The following CRYAA variants were observed in gnomAD, a reference collection of about 807,000 sequenced individuals.
The protein encoded by CRYAA is alpha-crystallin A chain.
Under a neutral mutation model 3.5 loss-of-function variants are expected in CRYAA, and 2 were observed. That is an observed-to-expected ratio of 0.57 (90% CI 0.23 to 1.80). CRYAA has a LOEUF of 1.80. CRYAA is among the 40% of genes most tolerant of loss of function. The pLI is 0.18. For synonymous variants in CRYAA, 3 were observed against 26.7 expected, an observed-to-expected ratio of 0.11 and a Z score of 2.73; for missense variants, 8 against 60.0, an observed-to-expected ratio of 0.13 and a Z score of 2.86.
Position 43,169,744 on chromosome 21 carries a change from G to A in CRYAA, c.189+456G>A, listed in dbSNP as rs78898363. On this transcript the variant is annotated intron_variant, in intron 1 of 2. Coordinates refer to ENST00000291554, the MANE Select transcript of CRYAA (RefSeq NM_000394.4). ...CCTCCAATGAGCTCGGCCTGCCCAC[G>A]GCTAGCAAAGCTCTTGGCAAGTTTA... 5.9e-4 allele frequency: 313 copies of A among 534,502 alleles called. 10 individuals carry two copies. Among genetic ancestry groups the A allele is most frequent in the Middle Eastern group, 4.4e-3 (9 of 2,024 alleles). The allele number at this position is 534,502 out of a possible 1,614,324, so 33.1% of individuals were successfully genotyped here. A position where few individuals can be genotyped will look rare whatever the true frequency, so the allele number is the denominator to read the frequency against.
chr21:43,169,345 G>A lies in CRYAA; in HGVS notation c.189+57G>A, dbSNP rs183125538. The stretch of plus-strand genomic sequence containing the variant: ...TCGCTGCTCAGAGGGTGGTGGCCTC[G>A]GTGGGTGGAGAGCGATGGACTCTGG... On this transcript the variant is annotated intron_variant, in intron 1 of 2. Coordinates refer to ENST00000291554, the MANE Select transcript of CRYAA (RefSeq NM_000394.4). 95 of 497,972 alleles carry A rather than the reference G, an allele frequency of 1.9e-4. 4 individuals carry two copies. The East Asian group carries it at 2.0e-3, about 10-fold the overall frequency. 30.8% of individuals were successfully genotyped at this position (497,972 alleles called of 1,614,324 possible).
Position 43,169,247 on chromosome 21 carries a change from C to T in CRYAA, c.148C>T (p.Gln50Ter). Residue 50 changes from glutamine to a stop codon, truncating the protein, a stop_gained, in exon 1 of 3, where the codon CAG becomes TAG. Transcript: ENST00000291554. LOFTEE classifies it high-confidence loss of function. ...LSSTISPYYR[Q>*]SLFRTVLDSG... ...GTCCACCATCAGCCCCTACTACCGC[C>T]AGTCCCTCTTCCGCACCGTGCTGGA... is the stretch of plus-strand genomic sequence containing the variant. 3 of 847,510 alleles carry T rather than the reference C, an allele frequency of 3.5e-6. 1 individual carries two copies. Among genetic ancestry groups the T allele is most frequent in the Non-Finnish European group, 5.4e-6 (3 of 551,008 alleles). 52.5% of individuals were successfully genotyped at this position (847,510 alleles called of 1,614,324 possible). A position where few individuals can be genotyped will look rare whatever the true frequency, so the allele number is the denominator to read the frequency against.
intron 1 of CRYAA, 118 bp downstream of exon 1, chr21:43,169,406 C>T: frequency 1.8e-6 from 1 of 560,376 alleles, no homozygotes; most frequent in South Asian, 1.9e-5. Flanking sequence ...CGTCCCACTT[C>T]ATCCCCTTGC....
At chr21:43,169,472 G>GTCCACCCTCTCCCCAGTGCCAGGGGAA in intron 1 of CRYAA, 184 bp downstream of exon 1, 1 of 647,548 alleles carries the variant, frequency 1.5e-6, no homozygotes, top group Non-Finnish European at 2.7e-6. Flanking sequence ...AGCTTCCCCT[G>GTCCACCCTCTCCCCAGTGCCAGGGGAA]GCACTGGGGA....
chr21:43,169,116 A>G lies in CRYAA; in HGVS notation c.17A>G (p.Gln6Arg), dbSNP rs1422792699. The stretch of plus-strand genomic sequence containing the variant: ...AAGCTGAACATGGACGTGACCATCC[A>G]GCACCCCTGGTTCAAGCGCACCCTG... Reference protein sequence around the residue: MDVTIQHPWFKRTLGP... With the variant: MDVTIRHPWFKRTLGP... The change falls in exon 1 of 3, where the codon CAG becomes CGG. Residue 6 changes from glutamine to arginine, a missense_variant. Coordinates refer to ENST00000291554, the MANE Select transcript of CRYAA (RefSeq NM_000394.4). 1 of 1,041,622 alleles carries G rather than the reference A, an allele frequency of 9.6e-7. No individual in the cohort carries two copies. Among genetic ancestry groups the G allele is most frequent in the East Asian group, 2.3e-5 (1 of 42,814 alleles). 64.5% of individuals were successfully genotyped at this position (1,041,622 alleles called of 1,614,324 possible).
At chr21:43,169,563 C>G in intron 1 of CRYAA, 1 of 465,982 alleles carries the variant, frequency 2.1e-6, no homozygotes. Flanking sequence ...TGTAAGGCAC[C>G]AGCCACATAC....
chr21:43,169,691 G>A (rs781462723), intron 1 of CRYAA: 1 of 495,562 alleles, frequency 2.0e-6, no homozygotes, highest in South Asian at 1.7e-5. Context: ...AGTCCTGAAA[G>A]CCAGAGAGCA....
At chr21:43,169,510 C>G in intron 1 of CRYAA, 1 of 530,216 alleles carries the variant, frequency 1.9e-6, no homozygotes, top group South Asian at 2.0e-5. Flanking sequence ...CAGCCTGAAT[C>G]CACCTTTGCT....
At position 43,169,821 on chromosome 21, in the gene CRYAA, C is replaced by T; in HGVS notation, c.189+533C>T. ...GACAGGCAATGGACGCCCCCCCCCC[C>T]ACCCAACCACAGGCCTCCTCTCTGA... On this transcript the variant is annotated intron_variant, in intron 1 of 2. Transcript: ENST00000291554. 9 of 473,186 alleles carry T rather than the reference C, an allele frequency of 1.9e-5. No homozygotes were observed. The highest frequency in any genetic ancestry group is 3.6e-5 in the East Asian group (1 of 27,888). 29.3% of individuals were successfully genotyped at this position (473,186 alleles called of 1,614,324 possible). A position where few individuals can be genotyped will look rare whatever the true frequency, so the allele number is the denominator to read the frequency against.
chr21:43,169,076 G>A lies in CRYAA; in HGVS notation c.-24G>A. Reference sequence around the variant, plus strand: ...CCCGCTGACTCCTGCCAGCCTCCAGGTCCCCGTGGTACCAAAGCTGAACAT... The same window carrying A: ...CCCGCTGACTCCTGCCAGCCTCCAGATCCCCGTGGTACCAAAGCTGAACAT... On this transcript the variant is annotated 5_prime_UTR_variant, in exon 1 of 3. Transcript: ENST00000291554. 9.7e-7 allele frequency: 1 copy of A among 1,033,336 alleles called. No individual in the cohort carries two copies. Among genetic ancestry groups the A allele is most frequent in the East Asian group, 2.3e-5 (1 of 42,720 alleles). The allele number at this position is 1,033,336 out of a possible 1,614,324, so 64.0% of individuals were successfully genotyped here.
intron 1 of CRYAA, chr21:43,169,692 C>G (rs1232920638): frequency 2.0e-6 from 1 of 497,474 alleles, no homozygotes; most frequent in Non-Finnish European, 4.0e-6. Flanking sequence ...GTCCTGAAAG[C>G]CAGAGAGCAG....
Position 43,169,242 on chromosome 21 carries a change from A to C in CRYAA, c.143A>C (p.Tyr48Ser), listed in dbSNP as rs75358372. Reference protein sequence around the residue: ...PFLSSTISPYYRQSLFRTVLD... With the variant: ...PFLSSTISPYSRQSLFRTVLD... ...CTGTCGTCCACCATCAGCCCCTACT[A>C]CCGCCAGTCCCTCTTCCGCACCGTG... The change falls in exon 1 of 3, where the codon TAC becomes TCC. Residue 48 changes from tyrosine (Y) to serine (S), a missense_variant. Physicochemically the swap from Tyr to Ser is moderately radical, Grantham distance 144. Transcript: ENST00000291554. 3.6e-6 allele frequency: 3 copies of C among 843,170 alleles called. No individual in the cohort carries two copies. The highest frequency in any genetic ancestry group is 4.8e-5 in the East Asian group (2 of 41,938). 52.2% of individuals were successfully genotyped at this position (843,170 alleles called of 1,614,324 possible).
Position 43,169,395 on chromosome 21 carries a change from T to C in CRYAA, c.189+107T>C. 5.6e-6 allele frequency: 3 copies of C among 531,456 alleles called. 1 individual carries two copies. 32.9% of individuals were successfully genotyped at this position (531,456 alleles called of 1,614,324 possible). On this transcript the variant is annotated intron_variant, in intron 1 of 2. Transcript: ENST00000291554. The stretch of plus-strand genomic sequence containing the variant: ...GTCTTGCTCCGTCAGGCAGGTGGCC[T>C]CGTCCCACTTCATCCCCTTGCAGAG...
intron 1 of CRYAA, chr21:43,169,769 A>G (rs772424097): frequency 3.8e-6 from 2 of 528,958 alleles, no homozygotes; most frequent in South Asian, 3.2e-5. Flanking sequence ...TGGCAAGTTT[A>G]CTTAGGTGCC....
At chr21:43,169,881 G>A (rs1568970332) in intron 1 of CRYAA, 1 of 428,876 alleles carries the variant, frequency 2.3e-6, no homozygotes, top group South Asian at 2.1e-5. Flanking sequence ...TGCTGTTCTG[G>A]AGGGCCTGAG....
At chr21:43,169,851 C>T (rs1191686719) in intron 1 of CRYAA, 6 of 495,024 alleles carry the variant, frequency 1.2e-5, no homozygotes, top group South Asian at 6.9e-5. Context: ...CTCTGAGCCA[C>T]GGGTGAGCGG....
intron 1 of CRYAA, chr21:43,169,818 C>G (rs554660606): frequency 4.7e-6 from 2 of 426,352 alleles, no homozygotes; most frequent in Admixed American, 5.6e-5. Flanking sequence ...ACGCCCCCCC[C>G]CCCACCCAAC....
In CRYAA at chr21:43,169,137, C is replaced by A; in HGVS notation, c.38C>A (p.Thr13Asn). The change falls in exon 1 of 3, where the codon ACC (threonine) becomes AAC (asparagine). Residue 13 changes from threonine to asparagine, a missense_variant. Physicochemically the swap from Thr to Asn is moderately conservative, Grantham distance 65. Coordinates refer to ENST00000291554, the MANE Select transcript of CRYAA (RefSeq NM_000394.4). ...VTIQHPWFKR[T>N]LGPFYPSRLF... ...ATCCAGCACCCCTGGTTCAAGCGCA[C>A]CCTGGGGCCCTTCTACCCCAGCCGG... The A allele has an allele frequency of 9.5e-7, 1 of 1,056,864 alleles. No individual in the cohort carries two copies. The highest frequency in any genetic ancestry group is 1.3e-5 in the South Asian group (1 of 79,570). The allele number at this position is 1,056,864 out of a possible 1,614,324, so 65.5% of individuals were successfully genotyped here.
chr21:43,169,523 C>T, intron 1 of CRYAA: 3 of 514,794 alleles, frequency 5.8e-6, no homozygotes, highest in Admixed American at 6.5e-5. Flanking sequence ...CCTTTGCTTT[C>T]CTCCATCAGC....
Sources: allele counts gnomAD v4.1 joint callset, GRCh38; gene constraint gnomAD v4.1.1; transcripts MANE v1.5; gene names NCBI Gene and HGNC (gene_info 2026-07-23, HGNC 2026-07-21).